TMEM192: variants seen among roughly 807,000 people sequenced by gnomAD.
The protein encoded by TMEM192 is transmembrane protein 192.
TMEM192 carries 20 observed loss-of-function variants against 26.7 expected under a neutral mutation model. The observed-to-expected ratio is 0.75, with a 90% confidence interval of 0.53 to 1.09. The LOEUF (loss-of-function observed/expected upper bound fraction) is 1.09. Among genes scored for constraint, TMEM192 ranks in the 50% least tolerant of loss-of-function variants. The pLI is 0.00. For synonymous variants in TMEM192, 124 were observed against 121.0 expected (o/e 1.02, Z -0.16); for missense variants, 304 against 322.6 (o/e 0.94, Z 0.44).
chr4:165,107,358 A>AC (rs1384713141), intron 1 of TMEM192, among the ~76,000 whole-genome samples: 3 of 150,438 alleles, frequency 2.0e-5, no homozygotes, highest in South Asian at 2.1e-4. Flanking sequence ...AAAAAAAAAA[A>AC]CAGGGTCTCA....
chr4:165,093,683 T>G (rs1474982730), intron 3 of TMEM192, among the ~76,000 whole-genome samples: 1 of 152,166 alleles, frequency 6.6e-6, no homozygotes. Context: ...TTATCAGTTT[T>G]GTGCTAACCA....
chr4:165,108,886 G>C (rs185926551), intron 1 of TMEM192, among the ~76,000 whole-genome samples: 155 of 152,004 alleles, frequency 1.0e-3, no homozygotes, highest in African/African-American at 3.6e-3. Context: ...AGTCTGCTGG[G>C]CTCTGCCTGG....
At chr4:165,102,449 A>G (rs2110787793) in intron 2 of TMEM192, among the ~76,000 whole-genome samples, 1 of 152,236 alleles carries the variant, frequency 6.6e-6, no homozygotes, top group South Asian at 2.1e-4. Context: ...ATACAGGAAA[A>G]CAGGTCCACA....
At chr4:165,091,684 A>G (rs1676819549) in intron 3 of TMEM192, among the ~76,000 whole-genome samples, 1 of 151,244 alleles carries the variant, frequency 6.6e-6, no homozygotes, top group Non-Finnish European at 1.5e-5. Context: ...AAATGGAAAA[A>G]AAATCTACAC....
rs149567631 is a variant in TMEM192, at chr4:165,076,318, C to A, written c.*3340G>T. On this transcript the variant is annotated 3_prime_UTR_variant, in exon 6 of 6. Coordinates refer to ENST00000306480, the MANE Select transcript of TMEM192 (RefSeq NM_001100389.2). ...CACATATTTCCTCCATATTGAACTACCATCTGATCCTGCTGAAACTAAAAC... is the reference window on the plus strand; with the variant it reads ...CACATATTTCCTCCATATTGAACTAACATCTGATCCTGCTGAAACTAAAAC... 6.6e-6 allele frequency: 1 copy of A among 152,256 alleles called. No individual in the cohort carries two copies. Among genetic ancestry groups the A allele is most frequent in the East Asian group, 1.9e-4 (1 of 5,178 alleles). The allele number at this position is 152,256 out of a possible 1,614,324, so 9.4% of individuals were successfully genotyped here. A position where few individuals can be genotyped will look rare whatever the true frequency, so the allele number is the denominator to read the frequency against.
chr4:165,089,505 A>G (rs1734703569), intron 3 of TMEM192, among the ~76,000 whole-genome samples: 1 of 152,058 alleles, frequency 6.6e-6, no homozygotes, highest in Non-Finnish European at 1.5e-5. Context: ...AAATATTTTT[A>G]GTAGAGACAG....
Position 165,071,123 on chromosome 4 carries a change from C to T in TMEM192, c.*8535G>A, listed in dbSNP as rs754763547. ...CTACGAACACTATATTTTTTCCTATCCACACATAACTACAATAAAGTTAAA... is the reference window on the plus strand; with the variant it reads ...CTACGAACACTATATTTTTTCCTATTCACACATAACTACAATAAAGTTAAA... On this transcript the variant is annotated 3_prime_UTR_variant, in exon 6 of 6. Coordinates refer to ENST00000306480, the MANE Select transcript of TMEM192 (RefSeq NM_001100389.2). 4 of 152,044 alleles carry T rather than the reference C, an allele frequency of 2.6e-5. No homozygotes were observed. The highest frequency in any genetic ancestry group is 5.9e-5 in the Non-Finnish European group (4 of 68,012). The allele number at this position is 152,044 out of a possible 1,614,324, so 9.4% of individuals were successfully genotyped here.
rs987437171 is a variant in TMEM192 at position 165,078,576 on chromosome 4, T to C, written c.*1082A>G. The C allele has an allele frequency of 4.6e-5, 7 of 152,216 alleles. No homozygotes were observed. Among genetic ancestry groups the C allele is most frequent in the African/African-American group, 1.4e-4 (6 of 41,458 alleles). 9.4% of individuals were successfully genotyped at this position (152,216 alleles called of 1,614,324 possible). The stretch of plus-strand genomic sequence containing the variant: ...GAAGATGCCTTTCCTATAATTGAAG[T>C]TATTGATCAATTGAAGGTATAACCA... On this transcript the variant is annotated 3_prime_UTR_variant, in exon 6 of 6. Coordinates refer to ENST00000306480, the MANE Select transcript of TMEM192 (RefSeq NM_001100389.2).
In TMEM192 at chr4:165,078,473, C is replaced by T. The variant is rs1313718314; in HGVS notation, c.*1185G>A. ...TAATATCTGCATATAACTTAATATG[C>T]ATTTCTTCCATTACAATTTTTAAGT... On this transcript the variant is annotated 3_prime_UTR_variant, in exon 6 of 6. Transcript: ENST00000306480. 1 of 152,148 alleles carries T rather than the reference C, an allele frequency of 6.6e-6. No homozygotes were observed. The highest frequency in any genetic ancestry group is 2.4e-5 in the African/African-American group (1 of 41,432). 9.4% of individuals were successfully genotyped at this position (152,148 alleles called of 1,614,324 possible).
chr4:165,112,663 C>G lies in TMEM192; in HGVS notation c.27+84G>C, dbSNP rs1735323044. The stretch of plus-strand genomic sequence containing the variant: ...GGCCGCAGTCGCCAAGGGTGGCTTC[C>G]CTCTCTGAGTCTCCGCCCCGTGCGC... On this transcript the variant is annotated intron_variant, in intron 1 of 5. Coordinates refer to ENST00000306480, the MANE Select transcript of TMEM192 (RefSeq NM_001100389.2). The G allele has an allele frequency of 6.4e-6, 10 of 1,572,214 alleles. 1 individual carries two copies. In the South Asian group the frequency reaches 1.1e-4, roughly 18 times the overall value.
chr4:165,071,505 C>G lies in TMEM192; in HGVS notation c.*8153G>C, dbSNP rs886551206. On this transcript the variant is annotated 3_prime_UTR_variant, in exon 6 of 6. Transcript: ENST00000306480. ...CAGGGTTTCATCGTGTTGGCCAGGC[C>G]GGTCTCCCAACTCCTGACCTCAAGT... The G allele has an allele frequency of 6.6e-6, 1 of 152,194 alleles. No individual in the cohort carries two copies. Among genetic ancestry groups the G allele is most frequent in the Admixed American group, 6.6e-5 (1 of 15,242 alleles). 9.4% of individuals were successfully genotyped at this position (152,194 alleles called of 1,614,324 possible).
At chr4:165,092,667 T>C (rs1734794765) in intron 3 of TMEM192, among the ~76,000 whole-genome samples, 1 of 152,154 alleles carries the variant, frequency 6.6e-6, no homozygotes, top group African/African-American at 2.4e-5. Context: ...TTTAACATAT[T>C]TATGTGAGTC....
At chr4:165,090,910 C>CA (rs70952700) in intron 3 of TMEM192, among the ~76,000 whole-genome samples, 878 of 50,996 alleles carry the variant, frequency 0.017, 33 homozygotes, top group South Asian at 0.057. Context: ...GACTCTGTCT[C>CA]AAAAAAAAAA....
intron 3 of TMEM192, among the ~76,000 whole-genome samples, chr4:165,092,589 G>A (rs879538811): frequency 6.6e-6 from 1 of 152,060 alleles, no homozygotes; most frequent in Non-Finnish European, 1.5e-5. Context: ...CTTTTATTCT[G>A]ACAAATATCA....
intron 3 of TMEM192, 37 bp from the exon 4 acceptor site, chr4:165,088,639 G>C (rs1195206425): frequency 1.3e-6 from 2 of 1,587,112 alleles, no homozygotes; most frequent in Non-Finnish European, 1.7e-6. Context: ...CATGTGATGA[G>C]AAATACATAT....
At chr4:165,091,068 A>G (rs918950338) in intron 3 of TMEM192, among the ~76,000 whole-genome samples, 4 of 151,938 alleles carry the variant, frequency 2.6e-5, no homozygotes, top group African/African-American at 9.7e-5. Flanking sequence ...GATTGAGACC[A>G]TCCTGGCTAA....
chr4:165,108,782 C>T (rs992897409), intron 1 of TMEM192, among the ~76,000 whole-genome samples: 1 of 152,140 alleles, frequency 6.6e-6, no homozygotes, highest in African/African-American at 2.4e-5. Context: ...CAGAGTTCTC[C>T]CTCTTTGTAG....
chr4:165,079,335 G>A lies in TMEM192; in HGVS notation c.*323C>T, dbSNP rs1734464609. 8.8e-6 allele frequency: 2 copies of A among 226,282 alleles called. No individual in the cohort carries two copies. Among genetic ancestry groups the A allele is most frequent in the Non-Finnish European group, 1.7e-5 (2 of 117,146 alleles). The allele number at this position is 226,282 out of a possible 1,614,324, so 14.0% of individuals were successfully genotyped here. On this transcript the variant is annotated 3_prime_UTR_variant, in exon 6 of 6. Transcript: ENST00000306480. ...CCTATCCATAATGAAATCATTACAG[G>A]GTTCTAATGTCAGGTGGAAAAGTGT...
chr4:165,104,686 A>C (rs1735123975), intron 1 of TMEM192, among the ~76,000 whole-genome samples: 1 of 152,036 alleles, frequency 6.6e-6, no homozygotes, highest in Non-Finnish European at 1.5e-5. Context: ...ACGCGCCACT[A>C]TGCCCGGCTA....
Sources: allele counts gnomAD v4.1 joint callset (sites outside exome capture counted in the v4.1 genomes callset), GRCh38; gene constraint gnomAD v4.1.1; transcripts MANE v1.5; gene names NCBI Gene and HGNC (gene_info 2026-07-23, HGNC 2026-07-21).